PAK5: variants seen among roughly 807,000 people sequenced by gnomAD.
PAK5 encodes the protein p21 (RAC1) activated kinase 5, also known as serine/threonine-protein kinase PAK 5.
In PAK5, 16 loss-of-function variants were observed where a neutral mutation model predicts 65.9. The observed-to-expected ratio is 0.24, with a 90% CI of 0.16 to 0.37. The LOEUF (loss-of-function observed/expected upper bound fraction) is 0.37. Ranked by LOEUF, PAK5 falls within the 10% of genes least tolerant of loss-of-function variation. The pLI is 1.00. For missense variants in PAK5, 785 were observed against 903.9 expected (o/e 0.87, Z 1.69); for synonymous variants, 371 against 354.9 (o/e 1.05, Z -0.51).
intron 7 of PAK5, among the ~76,000 whole-genome samples, chr20:9,548,739 A>T (rs2045382585): frequency 6.6e-6 from 1 of 152,240 alleles, no homozygotes; most frequent in African/African-American, 2.4e-5. Context: ...CTTTCTGAAA[A>T]CATCTGAAGC....
chr20:9,628,270 A>T (rs1313779260), intron 3 of PAK5, among the ~76,000 whole-genome samples: 2 of 152,218 alleles, frequency 1.3e-5, no homozygotes, highest in African/African-American at 2.4e-5. Flanking sequence ...GAGGTTAAGT[A>T]ACTTGCACTA....
At chr20:9,791,015 T>C (rs1782460264) in intron 1 of PAK5, among the ~76,000 whole-genome samples, 1 of 152,132 alleles carries the variant, frequency 6.6e-6, no homozygotes, top group Admixed American at 6.6e-5. Flanking sequence ...CTGCTCCTAC[T>C]TCATAGACAT....
chr20:9,640,493 G>C (rs1362887313), intron 3 of PAK5, among the ~76,000 whole-genome samples: 1 of 152,068 alleles, frequency 6.6e-6, no homozygotes, highest in Non-Finnish European at 1.5e-5. Context: ...TCAAGTCTTT[G>C]CTATTGTGAA....
At chr20:9,548,544 T>A (rs1159745985) in intron 7 of PAK5, among the ~76,000 whole-genome samples, 1 of 152,196 alleles carries the variant, frequency 6.6e-6, no homozygotes, top group Non-Finnish European at 1.5e-5. Context: ...TGATTTTCCA[T>A]CTCTAGCTAG....
intron 1 of PAK5, among the ~76,000 whole-genome samples, chr20:9,787,726 T>C (rs1213636860): frequency 2.0e-5 from 3 of 151,874 alleles, no homozygotes; most frequent in African/African-American, 7.3e-5. Context: ...AAATTCTTGA[T>C]ACTGCTAAGT....
chr20:9,702,167 TATG>T (rs2047947992), intron 2 of PAK5, among the ~76,000 whole-genome samples: 1 of 152,052 alleles, frequency 6.6e-6, no homozygotes. Flanking sequence ...TCTAAAGGAA[TATG>T]ATGATAACAA....
intron 7 of PAK5, among the ~76,000 whole-genome samples, chr20:9,546,534 G>T (rs752740556): frequency 3.9e-5 from 6 of 152,152 alleles, no homozygotes. Flanking sequence ...CCCTTGAAGG[G>T]CCATAGCATG....
intron 1 of PAK5, among the ~76,000 whole-genome samples, chr20:9,769,148 G>A (rs2123671726): frequency 6.6e-6 from 1 of 152,294 alleles, no homozygotes; most frequent in African/African-American, 2.4e-5. Flanking sequence ...GTACAGCACA[G>A]CAAATCTAGT....
At chr20:9,656,027 G>A (rs1053134447) in intron 2 of PAK5, among the ~76,000 whole-genome samples, 1 of 152,118 alleles carries the variant, frequency 6.6e-6, no homozygotes, top group Admixed American at 6.5e-5. Flanking sequence ...AGGCATTGGA[G>A]GTTAGGATTT....
chr20:9,619,684 C>T lies in PAK5; in HGVS notation c.204+24441G>A, dbSNP rs142584226. ...TTGAGGTAAAGTACTGGAGTCTCTC[C>T]GTGCTGCCTTCACTTACCTCTTCCT... is the stretch of plus-strand genomic sequence containing the variant. On this transcript the variant is annotated intron_variant, in intron 3 of 9. Coordinates refer to ENST00000353224, the MANE Select transcript of PAK5 (RefSeq NM_177990.4). Among the ~76,000 whole-genome samples the T allele has an allele frequency of 3.4e-3, 525 of 152,334 alleles. 4 individuals carry two copies. The highest frequency in any genetic ancestry group is 0.012 in the African/African-American group (487 of 41,562).
At chr20:9,779,901 T>G (rs1227101607) in intron 1 of PAK5, among the ~76,000 whole-genome samples, 1 of 152,054 alleles carries the variant, frequency 6.6e-6, no homozygotes, top group Admixed American at 6.6e-5. Context: ...AGCATAAATC[T>G]TGAACAAATT....
chr20:9,577,789 T>G (rs1005876304), intron 4 of PAK5: 5 of 152,224 alleles, frequency 3.3e-5, no homozygotes, highest in African/African-American at 1.2e-4. Flanking sequence ...CTTCTTTGTA[T>G]TTCTGATCGT....
intron 1 of PAK5, among the ~76,000 whole-genome samples, chr20:9,792,121 A>C (rs918023122): frequency 6.6e-6 from 1 of 152,202 alleles, no homozygotes; most frequent in Admixed American, 6.5e-5. Flanking sequence ...CATGCAGTGC[A>C]TGCTATACTT....
chr20:9,690,542 G>A (rs1434743864), intron 2 of PAK5, among the ~76,000 whole-genome samples: 3 of 151,944 alleles, frequency 2.0e-5, no homozygotes, highest in African/African-American at 7.2e-5. Flanking sequence ...TGAGTACCGT[G>A]GGCAACTGGG....
chr20:9,832,512 A>G (rs1418596121), intron 1 of PAK5, among the ~76,000 whole-genome samples: 2 of 152,068 alleles, frequency 1.3e-5, no homozygotes, highest in African/African-American at 2.4e-5. Flanking sequence ...GCCTCAAGTG[A>G]TTCACCTGCC....
intron 2 of PAK5, among the ~76,000 whole-genome samples, chr20:9,685,805 T>C (rs546125651): frequency 6.6e-6 from 1 of 152,348 alleles, no homozygotes; most frequent in Non-Finnish European, 1.5e-5. Flanking sequence ...TATCAGCTGG[T>C]ACTACTTCTG....
chr20:9,834,250 A>G (rs2123793549), intron 1 of PAK5, among the ~76,000 whole-genome samples: 1 of 152,350 alleles, frequency 6.6e-6, no homozygotes. Context: ...AGAAATCTAA[A>G]ACATAACATG....
rs184080375 is a variant in PAK5 at position 9,747,142 on chromosome 20, T to C, written c.-161-35707A>G. ...CTCCCAAGACTAAACCAGGAAGAAG[T>C]TGACTCTCTGAATAGACCAATAACA... On this transcript the variant is annotated intron_variant, in intron 1 of 9. Coordinates refer to ENST00000353224, the MANE Select transcript of PAK5 (RefSeq NM_177990.4). Among the ~76,000 whole-genome samples, 26 of 152,296 alleles carry C rather than the reference T, an allele frequency of 1.7e-4. No individual in the cohort carries two copies. In the East Asian group the frequency reaches 5.0e-3, roughly 29 times the overall value.
At chr20:9,803,162 T>C (rs1258185473) in intron 1 of PAK5, among the ~76,000 whole-genome samples, 1 of 151,610 alleles carries the variant, frequency 6.6e-6, no homozygotes, top group African/African-American at 2.4e-5. Context: ...AACAAGTGCT[T>C]GTAACTCAGA....
Sources: allele counts gnomAD v4.1 joint callset (sites outside exome capture counted in the v4.1 genomes callset), GRCh38; gene constraint gnomAD v4.1.1; transcripts MANE v1.5; gene names NCBI Gene and HGNC (gene_info 2026-07-23, HGNC 2026-07-21).